EML3: variants seen among roughly 807,000 people sequenced by gnomAD.
EML3 encodes the protein EMAP like 3.
A neutral mutation model predicts 106.7 loss-of-function variants in EML3; 53 were observed. The ratio of observed to expected loss-of-function variants is 0.50; its 90% CI spans 0.40 to 0.62. The LOEUF is 0.62. EML3 is among the 20% of genes least tolerant of loss of function. The pLI is 0.00. For missense variants in EML3, 994 were observed against 1,209.1 expected (o/e 0.82, Z 2.64); for synonymous variants, 499 against 489.6 (o/e 1.02, Z -0.25).
At chr11:62,609,299 GA>G in intron 6 of EML3, 54 bp downstream of exon 6, 2 of 1,541,506 alleles carry the variant, frequency 1.3e-6, no homozygotes, top group Non-Finnish European at 1.7e-6. Context: ...GTAAAGGTAA[GA>G]GGGGTCCCAA....
In EML3 at chr11:62,603,936, T is replaced by C. The variant is rs1472653240; in HGVS notation, c.2169+8A>G. On this transcript the variant is annotated splice_region_variant and intron_variant, in intron 18 of 21. Coordinates refer to ENST00000394773, the MANE Select transcript of EML3 (RefSeq NM_153265.3). The stretch of plus-strand genomic sequence containing the variant: ...ATCATGCCCCACCACACACCCCAAC[T>C]TCCTCACCATACAGCGGCCAAAGCG... 1.4e-5 allele frequency: 22 copies of C among 1,613,912 alleles called. No individual in the cohort carries two copies. The highest frequency in any genetic ancestry group is 1.7e-5 in the Non-Finnish European group (20 of 1,179,982).
chr11:62,608,135 G>A, intron 10 of EML3, 66 bp downstream of exon 10: 1 of 1,464,684 alleles, frequency 6.8e-7, no homozygotes, highest in Non-Finnish European at 9.5e-7. Context: ...TGAGTCTGGA[G>A]CTCCCTGCAC....
At chr11:62,604,273 A>T in intron 16 of EML3, 72 bp from the exon 17 acceptor site, 16 of 1,378,978 alleles carry the variant, frequency 1.2e-5, no homozygotes, top group East Asian at 2.4e-5. Context: ...CAGGGAGGCC[A>T]CCCTGGGTAG....
Position 62,608,214 on chromosome 11 carries a change from A to G in EML3, c.1193T>C (p.Leu398Pro), listed in dbSNP as rs1286685612. The change falls in exon 10 of 22, where the codon CTG becomes CCG. Residue 398 changes from leucine to proline, a missense_variant. Transcript: ENST00000394773. ...TGGACTCCTCACCTTGATCTCAGCC[A>G]GCTTCATTCCCCGGCTGCAGTCCCA... The part of the protein sequence containing the change: ...SVWDCSRGMK[L>P]AEIKSTNDSV... The G allele has an allele frequency of 6.2e-7, 1 of 1,613,694 alleles. No individual in the cohort carries two copies. Among genetic ancestry groups the G allele is most frequent in the Admixed American group, 1.7e-5 (1 of 59,994 alleles).
Position 62,602,510 on chromosome 11 carries a change from G to A in EML3, c.2656C>T (p.Pro886Ser). The A allele has an allele frequency of 6.6e-7, 1 of 1,515,778 alleles. No homozygotes were observed. Among genetic ancestry groups the A allele is most frequent in the Non-Finnish European group, 8.8e-7 (1 of 1,130,538 alleles). The allele number at this position is 1,515,778 out of a possible 1,614,324, so 93.9% of individuals were successfully genotyped here. Residue 886 changes from proline to serine, a missense_variant, in exon 22 of 22, where the codon CCC (proline) becomes TCC (serine). Physicochemically the swap from Pro to Ser is moderately conservative, Grantham distance 74. Coordinates refer to ENST00000394773, the MANE Select transcript of EML3 (RefSeq NM_153265.3). ...AGGGAGGAGGCGGGGGACAGGGAGG[G>A]GGTTCGAGAGGGCGTGGCGGGCGCC... ...GPAPATPSRT[P>S]SLSPASSLDV
At chr11:62,609,283 G>T in intron 6 of EML3, 71 bp downstream of exon 6, 1 of 1,540,958 alleles carries the variant, frequency 6.5e-7, no homozygotes, top group Non-Finnish European at 8.7e-7. Flanking sequence ...GACCCAGGAG[G>T]AAACTGTAAA....
chr11:62,610,316 G>A (rs561202250), intron 4 of EML3, among the ~76,000 whole-genome samples: 74 of 152,320 alleles, frequency 4.9e-4, no homozygotes, highest in African/African-American at 1.7e-3. Context: ...GGGCTAGAAT[G>A]AACATCCGGG....
At chr11:62,609,901 G>A (rs1942727363) in intron 4 of EML3, among the ~76,000 whole-genome samples, 2 of 152,188 alleles carry the variant, frequency 1.3e-5, no homozygotes, top group Admixed American at 1.3e-4. Flanking sequence ...AAGGGGCTGA[G>A]CGCACAGCAC....
In EML3 at chr11:62,609,123, G is replaced by A. The variant is rs1942681705; in HGVS notation, c.768C>T (p.Tyr256=). Reference sequence around the variant, plus strand: ...GATTAGAGCGGGAGTCACGACCCCTGTACCCATAACTGGGGTGGAGATCAC... The same window carrying A: ...GATTAGAGCGGGAGTCACGACCCCTATACCCATAACTGGGGTGGAGATCAC... ...ETLSLDWVYG[Y]RGRDSRSNLF... The change falls in exon 7 of 22, where the codon TAC becomes TAT. Residue 256 remains tyrosine, a synonymous_variant. Transcript: ENST00000394773. The A allele has an allele frequency of 3.7e-6, 6 of 1,613,866 alleles. No individual in the cohort carries two copies. The highest frequency in any genetic ancestry group is 3.3e-5 in the South Asian group (3 of 91,082).
chr11:62,608,086 C>A, intron 10 of EML3, 115 bp downstream of exon 10: 3 of 1,038,110 alleles, frequency 2.9e-6, no homozygotes, highest in Admixed American at 1.9e-5. Context: ...AGGAGATTTG[C>A]CCCATGTGAC....
chr11:62,604,725 A>G, intron 16 of EML3: 1 of 198,436 alleles, frequency 5.0e-6, no homozygotes, highest in Non-Finnish European at 1.1e-5. Flanking sequence ...AGTGTGGATA[A>G]AGGCTGAGGG....
At chr11:62,603,286 G>A in intron 19 of EML3, 39 bp from the exon 20 acceptor site, 1 of 1,575,806 alleles carries the variant, frequency 6.3e-7, no homozygotes, top group Non-Finnish European at 8.7e-7. Flanking sequence ...CTCTCACCCT[G>A]CCCTCAGTAG....
chr11:62,611,241 G>A lies in EML3; in HGVS notation c.298C>T (p.Pro100Ser), dbSNP rs752181097. The change falls in exon 3 of 22, where the codon CCT becomes TCT. Residue 100 changes from proline to serine, a missense_variant. Pro to Ser is a moderately conservative substitution (Grantham distance 74). Coordinates refer to ENST00000394773, the MANE Select transcript of EML3 (RefSeq NM_153265.3). ...EVELKSSPGPPGLSNGPPAPQ... is the reference protein window; with the variant it reads ...EVELKSSPGPSGLSNGPPAPQ... ...GCTGGGGGTCCATTGCTCAGGCCAG[G>A]GGGTCCAGGGGATGACTTGAGCTCC... The A allele has an allele frequency of 5.6e-6, 9 of 1,612,250 alleles. No individual in the cohort carries two copies. In the East Asian group the frequency reaches 1.6e-4, roughly 28 times the overall value.
intron 18 of EML3, 38 bp downstream of exon 18, chr11:62,603,906 C>T (rs1942377785): frequency 6.2e-7 from 1 of 1,612,926 alleles, no homozygotes; most frequent in Admixed American, 1.7e-5. Context: ...AGTTTCGCAG[C>T]TGTTATCATG....
chr11:62,608,465 C>T, intron 9 of EML3, 77 bp downstream of exon 9: 1 of 1,500,404 alleles, frequency 6.7e-7, no homozygotes, highest in Non-Finnish European at 9.3e-7. Flanking sequence ...GCCAGAACTT[C>T]CAAGGCTTCC....
chr11:62,611,475 CA>C lies in EML3; in HGVS notation c.143del (p.Val48GlyfsTer34). On this transcript the variant is annotated frameshift_variant, in exon 2 of 22. Coordinates refer to ENST00000394773, the MANE Select transcript of EML3 (RefSeq NM_153265.3). LOFTEE classifies it high-confidence loss of function. ...CAGAGCCCTGCAGGGAGGAAGGGGGCACCTGCAGCCGCAGCAGGCGAAGGGC... is the reference window on the plus strand; with the variant it reads ...CAGAGCCCTGCAGGGAGGAAGGGGGCCCTGCAGCCGCAGCAGGCGAAGGGC... ...AEALRLLRLQVPPSSLQGSGT... is the reference protein window; with the variant it reads ...AEALRLLRLQXPPSSLQGSGT... 1 of 1,613,780 alleles carries C rather than the reference CA, an allele frequency of 6.2e-7. No homozygotes were observed. Among genetic ancestry groups the C allele is most frequent in the Non-Finnish European group, 8.5e-7 (1 of 1,179,922 alleles).
chr11:62,608,983 C>T lies in EML3; in HGVS notation c.908G>A (p.Gly303Glu). ...PGGGGQRHYR[G>E]HTDCVRCLAV... is the part of the protein sequence containing the mutation. ...TCACCATCGAACGCAGTCTGTGTGC[C>T]CCCGGTAATGTCTCTGGCCGCCACC... Residue 303 changes from glycine (G) to glutamate (E), a missense_variant, in exon 7 of 22, where the codon GGG becomes GAG. Gly to Glu is a moderately conservative substitution (Grantham distance 98). Transcript: ENST00000394773. The T allele has an allele frequency of 6.2e-7, 1 of 1,613,944 alleles. No homozygotes were observed. Among genetic ancestry groups the T allele is most frequent in the East Asian group, 2.2e-5 (1 of 44,882 alleles).
At position 62,612,418 on chromosome 11, in the gene EML3, G is replaced by GCC; in HGVS notation, c.22+16_22+17dup. ...CGCTCCGGGAAGGGGCACGCCGCCC[G>GCC]CCCCGCCCCGTACTCACCGGGCCCC... On this transcript the variant is annotated intron_variant, in intron 1 of 21. Coordinates refer to ENST00000394773, the MANE Select transcript of EML3 (RefSeq NM_153265.3). 1 of 1,499,394 alleles carries GCC rather than the reference G, an allele frequency of 6.7e-7. No homozygotes were observed. The highest frequency in any genetic ancestry group is 1.2e-5 in the South Asian group (1 of 81,774). The allele number at this position is 1,499,394 out of a possible 1,614,324, so 92.9% of individuals were successfully genotyped here. A position where few individuals can be genotyped will look rare whatever the true frequency, so the allele number is the denominator to read the frequency against.
chr11:62,605,671 G>A lies in EML3; in HGVS notation c.1885C>T (p.His629Tyr). Residue 629 changes from histidine (H) to tyrosine (Y), a missense_variant, in exon 15 of 22, where the codon CAT becomes TAT. Physicochemically the swap from His to Tyr is moderately conservative, Grantham distance 83. Transcript: ENST00000394773. This position sits in a 1 kb window ranked among gnomAD's most constrained non-coding sequence, Gnocchi z 5.2. Reference sequence around the variant, plus strand: ...AGGTCGATGCTCCAGGCCAGTGCATGGCTCTCCCCATCCCACAGGCAGAGC... The same window carrying A: ...AGGTCGATGCTCCAGGCCAGTGCATAGCTCTCCCCATCCCACAGGCAGAGC... Reference protein sequence around the residue: ...RQLCLWDGESHALAWSIDLKE... With the variant: ...RQLCLWDGESYALAWSIDLKE... 2 of 1,583,328 alleles carry A rather than the reference G, an allele frequency of 1.3e-6. No individual in the cohort carries two copies. The highest frequency in any genetic ancestry group is 1.8e-4 in the Middle Eastern group (1 of 5,412).
Sources: gnomAD v4.1 joint callset for allele counts (sites outside exome capture counted in the v4.1 genomes callset) on GRCh38, gnomAD v4.1.1 for gene constraint, Gnocchi (gnomAD v3.1) non-coding constraint, MANE v1.5 for transcripts, NCBI Gene and HGNC (gene_info 2026-07-23, HGNC 2026-07-21) for gene names.